PEX1: variants seen among roughly 807,000 people sequenced by gnomAD.
PEX1 encodes the protein peroxisomal ATPase PEX1.
Under a neutral mutation model 152.5 loss-of-function variants are expected in PEX1, and 97 were observed. The ratio of observed to expected loss-of-function variants is 0.64; its 90% CI spans 0.54 to 0.75. PEX1 has a LOEUF of 0.75. PEX1 is among the 30% of genes least tolerant of loss of function. PEX1 has a pLI of 0.00. For missense variants in PEX1, 1,357 were observed against 1,516.3 expected (o/e 0.89, Z 1.74); for synonymous variants, 485 against 531.6 (o/e 0.91, Z 1.21).
At chr7:92,507,327 C>A (rs531527293) in intron 9 of PEX1, 13 of 494,540 alleles carry the variant, frequency 2.6e-5, no homozygotes, top group Middle Eastern at 5.6e-4. Context: ...CAGCCTCAAA[C>A]GCCCTGGCAA....
At position 92,493,057 on chromosome 7, in the gene PEX1, C is replaced by T. The variant is rs757647288; in HGVS notation, c.3103G>A (p.Val1035Ile). Residue 1035 changes from valine (V) to isoleucine (I), a missense_variant, in exon 20 of 24, where the codon GTA becomes ATA. Transcript: ENST00000248633. ...PLADDVDLQH[V>I]ASVTDSFTGA... ...GTAAAGGAGTCAGTTACTGATGCTA[C>T]ATGCTGAAGGTCAACATCATCTGCC... is the stretch of plus-strand genomic sequence containing the variant. The T allele has an allele frequency of 6.2e-7, 1 of 1,612,102 alleles. No homozygotes were observed.
rs1362737916 is a variant in PEX1, at chr7:92,511,051, T to C, written c.1484-4A>G. ...CTCAGAGAAAATTCCTTCAGTCCTA[T>C]TAAAAAGAAAGTAATAAATGCAGAG... On this transcript the variant is annotated splice_polypyrimidine_tract_variant and splice_region_variant and intron_variant, in intron 7 of 23. Coordinates refer to ENST00000248633, the MANE Select transcript of PEX1 (RefSeq NM_000466.3). 2 of 1,325,050 alleles carry C rather than the reference T, an allele frequency of 1.5e-6. No individual in the cohort carries two copies. The highest frequency in any genetic ancestry group is 2.9e-5 in the African/African-American group (2 of 69,244). 82.1% of individuals were successfully genotyped at this position (1,325,050 alleles called of 1,614,324 possible).
At chr7:92,520,481 C>T (rs1441968241) in intron 2 of PEX1, among the ~76,000 whole-genome samples, 5 of 152,182 alleles carry the variant, frequency 3.3e-5, no homozygotes, top group Admixed American at 1.3e-4. Flanking sequence ...ATGGCACTCT[C>T]GTGTATTGTC....
In PEX1 at chr7:92,491,446, GT is replaced by G; in HGVS notation, c.3263del (p.Asn1088ThrfsTer17). On this transcript the variant is annotated frameshift_variant, in exon 21 of 24. Transcript: ENST00000248633. LOFTEE classifies it high-confidence loss of function. ...CTGAATCGTCAGAGCCACTGCTATGGTTAAGAAAGACCATTGAAGACAGACT... is the reference window on the plus strand; with the variant it reads ...CTGAATCGTCAGAGCCACTGCTATGGTAAGAAAGACCATTGAAGACAGACT... ...DLSLSSMVFL[N>X]HSSGSDDSAG... 7 of 1,613,832 alleles carry G rather than the reference GT, an allele frequency of 4.3e-6. No individual in the cohort carries two copies. Among genetic ancestry groups the G allele is most frequent in the Non-Finnish European group, 5.9e-6 (7 of 1,179,802 alleles).
intron 2 of PEX1, among the ~76,000 whole-genome samples, chr7:92,519,321 C>T (rs1275298724): frequency 1.3e-5 from 2 of 152,090 alleles, no homozygotes; most frequent in African/African-American, 4.8e-5. Flanking sequence ...AAACCCTGGG[C>T]TCAAGCAATC....
intron 6 of PEX1, 146 bp downstream of exon 6, chr7:92,513,702 A>G (rs1272998366): frequency 3.4e-6 from 2 of 594,008 alleles, no homozygotes; most frequent in Non-Finnish European, 5.8e-6. Flanking sequence ...CGAACATGGC[A>G]TATTTTATGT....
At chr7:92,512,748 C>G (rs1416400068) in intron 6 of PEX1, among the ~76,000 whole-genome samples, 1 of 152,162 alleles carries the variant, frequency 6.6e-6, no homozygotes, top group Admixed American at 6.5e-5. Context: ...TCTCAGCCTC[C>G]CGAAGTGTTG....
At chr7:92,488,708 T>G (rs1791080100) in intron 23 of PEX1, among the ~76,000 whole-genome samples, 1 of 152,148 alleles carries the variant, frequency 6.6e-6, no homozygotes, top group South Asian at 2.1e-4. Context: ...ATTTTCCTTC[T>G]TATTTCTTCG....
intron 1 of PEX1, among the ~76,000 whole-genome samples, chr7:92,527,705 G>C (rs1793348785): frequency 6.6e-6 from 1 of 152,228 alleles, no homozygotes; most frequent in Non-Finnish European, 1.5e-5. Context: ...CCAGTGGTTA[G>C]AACTGTGAAA....
In PEX1 at chr7:92,519,153, C is replaced by A. The variant is rs1309669016; in HGVS notation, c.274-75G>T. 5 of 822,522 alleles carry A rather than the reference C, an allele frequency of 6.1e-6. No individual in the cohort carries two copies. In the African/African-American group the frequency reaches 8.5e-5, roughly 14 times the overall value. 51.0% of individuals were successfully genotyped at this position (822,522 alleles called of 1,614,324 possible). ...CATATATTAGAAAATAAGAAGTTAT[C>A]TTCTTACCATTTTAGGTTAAGTAGA... On this transcript the variant is annotated intron_variant, in intron 2 of 23. Coordinates refer to ENST00000248633, the MANE Select transcript of PEX1 (RefSeq NM_000466.3).
intron 13 of PEX1, among the ~76,000 whole-genome samples, chr7:92,502,756 T>A (rs1362905255): frequency 6.6e-6 from 1 of 152,218 alleles, no homozygotes; most frequent in African/African-American, 2.4e-5. Context: ...AAAAGTTTAA[T>A]TAATGAAGTG....
chr7:92,526,140 T>C (rs1339662734), intron 1 of PEX1, among the ~76,000 whole-genome samples: 1 of 152,234 alleles, frequency 6.6e-6, no homozygotes, highest in Non-Finnish European at 1.5e-5. Context: ...AGAAACGACC[T>C]AGATGCTTAA....
rs1791566473 is a variant in PEX1 at position 92,494,746 on chromosome 7, T to C, written c.2784-117A>G. 1.2e-5 allele frequency: 7 copies of C among 596,678 alleles called. No homozygotes were observed. The East Asian group carries it at 3.2e-4, about 27-fold the overall frequency. The allele number at this position is 596,678 out of a possible 1,614,324, so 37.0% of individuals were successfully genotyped here. On this transcript the variant is annotated intron_variant, in intron 17 of 23. Coordinates refer to ENST00000248633, the MANE Select transcript of PEX1 (RefSeq NM_000466.3). ...TATTTATATATATTTATATACTTCT[T>C]TTAATTTTTACAACAAACCCTTAAA...
Position 92,515,322 on chromosome 7 carries a change from G to GT in PEX1, c.1240-1356dup, listed in dbSNP as rs889817687. Among the ~76,000 whole-genome samples the GT allele has an allele frequency of 8.7e-5, 13 of 149,118 alleles. No homozygotes were observed. The South Asian group carries it at 2.1e-3, about 24-fold the overall frequency. ...CAATCAAGTTTCCTGTTTGTTTGTT[G>GT]TTTTTTTTTAATCACCATGCTTCAC... On this transcript the variant is annotated intron_variant, in intron 5 of 23. Transcript: ENST00000248633.
chr7:92,489,701 G>T lies in PEX1; in HGVS notation c.3636+13C>A. On this transcript the variant is annotated intron_variant, in intron 22 of 23. Coordinates refer to ENST00000248633, the MANE Select transcript of PEX1 (RefSeq NM_000466.3). ...AAGTTTTAACAATTATAATGAGGGG[G>T]AAAAAGCCATACTCCACTTTGGCTC... 6.2e-7 allele frequency: 1 copy of T among 1,607,474 alleles called. No homozygotes were observed. Among genetic ancestry groups the T allele is most frequent in the Non-Finnish European group, 8.5e-7 (1 of 1,174,042 alleles).
chr7:92,528,215 G>A (rs1793384580), intron 1 of PEX1, 92 bp downstream of exon 1: 4 of 1,512,746 alleles, frequency 2.6e-6, no homozygotes, highest in South Asian at 1.2e-5. Flanking sequence ...GCGGCGCCCG[G>A]GTGGCAGCCG....
At chr7:92,488,215 T>C (rs2116029003) in intron 23 of PEX1, among the ~76,000 whole-genome samples, 1 of 152,344 alleles carries the variant, frequency 6.6e-6, no homozygotes, top group East Asian at 1.9e-4. Flanking sequence ...CAGACTGTTC[T>C]TACCATAATA....
intron 16 of PEX1, among the ~76,000 whole-genome samples, chr7:92,499,456 T>C (rs1156884580): frequency 6.6e-6 from 1 of 152,156 alleles, no homozygotes. Flanking sequence ...AAAGGTCACA[T>C]ATTGCATGAT....
At position 92,504,729 on chromosome 7, in the gene PEX1, T is replaced by C. The variant is rs1189294296; in HGVS notation, c.2071+3A>G. On this transcript the variant is annotated splice_donor_region_variant and intron_variant, in intron 12 of 23. Transcript: ENST00000248633. The stretch of plus-strand genomic sequence containing the variant: ...ACCTTAAGCCAGTGGTGGATGCATT[T>C]ACCATGAGCAAGCCGCTGGCTCTGC... The C allele has an allele frequency of 1.9e-6, 3 of 1,613,906 alleles. No homozygotes were observed. Among genetic ancestry groups the C allele is most frequent in the South Asian group, 2.2e-5 (2 of 91,066 alleles).
Sources: gnomAD v4.1 joint callset for allele counts (sites outside exome capture counted in the v4.1 genomes callset) on GRCh38, gnomAD v4.1.1 for gene constraint, MANE v1.5 for transcripts, NCBI Gene and HGNC (gene_info 2026-07-23, HGNC 2026-07-21) for gene names.